MAGI1: variants seen among roughly 807,000 people sequenced by gnomAD.
MAGI1 encodes the protein membrane associated guanylate kinase, WW and PDZ domain containing 1.
A neutral mutation model predicts 139.9 loss-of-function variants in MAGI1; 58 were observed. The observed-to-expected ratio is 0.41, with a 90% CI of 0.34 to 0.52. The LOEUF (loss-of-function observed/expected upper bound fraction) is 0.52, where lower values mean the gene tolerates loss of function less well. Among genes scored for constraint, MAGI1 ranks in the 20% least tolerant of loss-of-function variants. The probability of loss-of-function intolerance (pLI) is 0.12; values close to 1 mark genes in which losing one functional copy is unlikely to be tolerated. For synonymous variants in MAGI1, 812 were observed against 737.9 expected (o/e 1.10, Z -1.63); for missense variants, 1,874 against 1,901.6 (o/e 0.99, Z 0.27).
At chr3:65,515,677 A>G (rs2077834176) in intron 2 of MAGI1, among the ~76,000 whole-genome samples, 1 of 152,212 alleles carries the variant, frequency 6.6e-6, no homozygotes, top group Admixed American at 6.5e-5. Context: ...TTAAGTATCC[A>G]AAGTCTATGG....
chr3:65,515,456 TACTA>T (rs1467418659), intron 2 of MAGI1, among the ~76,000 whole-genome samples: 2 of 152,158 alleles, frequency 1.3e-5, no homozygotes, highest in African/African-American at 2.4e-5. Flanking sequence ...CTTAAATGAA[TACTA>T]ACTAATGTCA....
rs945891646 is a variant in MAGI1, at chr3:65,525,466, C to T, written c.431-31835G>A. 3.9e-5 allele frequency among the ~76,000 whole-genome samples: 6 copies of T among 152,270 alleles called. No homozygotes were observed. The South Asian group carries it at 1.2e-3, about 32-fold the overall frequency. ...AGAACTAAGATACACACATGCTACC[C>T]AAAGATTTCATCCTCACTAAGGAAT... On this transcript the variant is annotated intron_variant, in intron 2 of 22. Transcript: ENST00000402939.
In MAGI1 at chr3:65,804,506, T is replaced by C. The variant is rs182777741; in HGVS notation, c.314-182418A>G. 3.4e-3 allele frequency among the ~76,000 whole-genome samples: 524 copies of C among 152,118 alleles called. 3 individuals carry two copies. Among genetic ancestry groups the C allele is most frequent in the African/African-American group, 0.012 (488 of 41,520 alleles). ...ATATTGATATTATATTAATACATGT[T>C]ATATACTGATATAAATTGATATTTA... On this transcript the variant is annotated intron_variant, in intron 1 of 22. Coordinates refer to ENST00000402939, the MANE Select transcript of MAGI1 (RefSeq NM_001033057.2).
chr3:65,373,138 T>G (rs1200917104), intron 18 of MAGI1, among the ~76,000 whole-genome samples: 2 of 152,216 alleles, frequency 1.3e-5, no homozygotes, highest in Admixed American at 6.5e-5. Context: ...TCACTATGCT[T>G]AATCATTTCT....
chr3:65,758,556 G>A lies in MAGI1; in HGVS notation c.314-136468C>T, dbSNP rs543748945. On this transcript the variant is annotated intron_variant, in intron 1 of 22. Transcript: ENST00000402939. ...TTAATTTCCAATATATATTCCCAAA[G>A]CAGCGGTTCTCAACTGGGGGGGAAT... Among the ~76,000 whole-genome samples the A allele has an allele frequency of 2.1e-4, 32 of 152,152 alleles. 1 individual carries two copies. The South Asian group carries it at 6.4e-3, about 31-fold the overall frequency.
intron 1 of MAGI1, among the ~76,000 whole-genome samples, chr3:65,945,704 G>A (rs2063517067): frequency 6.6e-6 from 1 of 152,186 alleles, no homozygotes; most frequent in Admixed American, 6.5e-5. Flanking sequence ...ATTTCTGTAT[G>A]TCATTTCTCT....
At chr3:65,394,679 G>C (rs1032126918) in intron 13 of MAGI1, among the ~76,000 whole-genome samples, 1 of 37,706 alleles carries the variant, frequency 2.7e-5, no homozygotes, top group African/African-American at 7.9e-5. Context: ...GGAGTTCAAA[G>C]TAATTTTTTT....
intron 14 of MAGI1, chr3:65,387,314 A>T: frequency 2.2e-6 from 2 of 928,594 alleles, no homozygotes; most frequent in Non-Finnish European, 3.4e-6. Flanking sequence ...GATAAGGAAC[A>T]GTCAGTTCAG....
chr3:65,442,710 T>C (rs1948428129), intron 8 of MAGI1, 82 bp downstream of exon 8: 1 of 938,738 alleles, frequency 1.1e-6, no homozygotes, highest in African/African-American at 1.6e-5. Flanking sequence ...TGCCTTATAA[T>C]GATGTCAGGC....
chr3:65,543,566 C>A (rs535697231), intron 2 of MAGI1, among the ~76,000 whole-genome samples: 5 of 152,278 alleles, frequency 3.3e-5, no homozygotes, highest in Non-Finnish European at 5.9e-5. Flanking sequence ...GAATACTATG[C>A]AGCCATAGAA....
At chr3:65,501,110 C>G (rs2077062543) in intron 2 of MAGI1, among the ~76,000 whole-genome samples, 1 of 152,072 alleles carries the variant, frequency 6.6e-6, no homozygotes, top group African/African-American at 2.4e-5. Flanking sequence ...ATATCTATCC[C>G]TCAAATCAAA....
intron 1 of MAGI1, among the ~76,000 whole-genome samples, chr3:65,786,636 G>A (rs1319373200): frequency 4.7e-5 from 6 of 127,260 alleles, no homozygotes; most frequent in African/African-American, 1.8e-4. Flanking sequence ...TTCTTAAACA[G>A]AGTCTTGCTT....
At chr3:65,364,140 G>C (rs940778521) in intron 20 of MAGI1, among the ~76,000 whole-genome samples, 3 of 146,074 alleles carry the variant, frequency 2.1e-5, no homozygotes, top group Non-Finnish European at 4.5e-5. Flanking sequence ...TCCAGTCTGG[G>C]CAGCACAGTG....
intron 2 of MAGI1, among the ~76,000 whole-genome samples, chr3:65,578,364 G>GA (rs959302411): frequency 6.6e-6 from 1 of 151,216 alleles, no homozygotes; most frequent in African/African-American, 2.4e-5. Flanking sequence ...AGAAGAAAGG[G>GA]AAAAAAAAGA....
intron 1 of MAGI1, among the ~76,000 whole-genome samples, chr3:65,628,683 G>A (rs774444793): frequency 6.6e-6 from 1 of 152,150 alleles, no homozygotes; most frequent in Non-Finnish European, 1.5e-5. Context: ...TCCCTGAAAT[G>A]CAAGTTCCCA....
chr3:65,447,980 C>T, intron 7 of MAGI1, 42 bp downstream of exon 7: 1 of 1,611,546 alleles, frequency 6.2e-7, no homozygotes, highest in South Asian at 1.1e-5. Flanking sequence ...CAGGCCATGT[C>T]ATGCACGTGT....
chr3:65,831,617 A>G (rs992140893), intron 1 of MAGI1, among the ~76,000 whole-genome samples: 1 of 152,168 alleles, frequency 6.6e-6, no homozygotes, highest in South Asian at 2.1e-4. Flanking sequence ...TTTTTGAACT[A>G]AAAAGCAAAG....
chr3:65,674,752 C>G (rs2087079210), intron 1 of MAGI1, among the ~76,000 whole-genome samples: 1 of 152,266 alleles, frequency 6.6e-6, no homozygotes, highest in Middle Eastern at 3.4e-3. Context: ...AATTCAGAAC[C>G]TGGTGCACTT....
chr3:65,948,005 G>A (rs1168585673), intron 1 of MAGI1, among the ~76,000 whole-genome samples: 3 of 143,690 alleles, frequency 2.1e-5, no homozygotes, highest in Non-Finnish European at 3.0e-5. Context: ...GCACTGGTAC[G>A]ATCTTGGCTC....
Sources: gnomAD v4.1 joint callset for allele counts (sites outside exome capture counted in the v4.1 genomes callset) on GRCh38, gnomAD v4.1.1 for gene constraint, MANE v1.5 for transcripts, NCBI Gene and HGNC (gene_info 2026-07-23, HGNC 2026-07-21) for gene names.